DMD: variants seen among roughly 807,000 people sequenced by gnomAD.
The protein encoded by DMD is mutant dystrophin.
Under a neutral mutation model 330.1 loss-of-function variants are expected in DMD, and 63 were observed. The ratio of observed to expected loss-of-function variants is 0.19; its 90% CI spans 0.16 to 0.24. The LOEUF (loss-of-function observed/expected upper bound fraction) is 0.24. DMD is among the 10% of genes least tolerant of loss of function. DMD has a pLI of 1.00. For missense variants in DMD, 3,344 were observed against 2,684.1 expected (o/e 1.25, Z -5.43); for synonymous variants, 1,223 against 959.8 (o/e 1.27, Z -5.07).
intron 27 of DMD, among the ~76,000 whole-genome samples, chrX:32,447,921 A>G (rs1453022517): frequency 9.0e-6 from 1 of 111,487 alleles, no homozygotes; most frequent in African/African-American, 3.2e-5. Flanking sequence ...GATAATACAT[A>G]AATATAATGC....
chrX:32,137,291 C>T (rs146832033), intron 44 of DMD, among the ~76,000 whole-genome samples: 28 of 111,690 alleles, frequency 2.5e-4, no homozygotes, highest in African/African-American at 9.1e-4. Context: ...AGGAGACAAG[C>T]ATAAATTACA....
intron 50 of DMD, among the ~76,000 whole-genome samples, chrX:31,798,687 G>A (rs2091936513): frequency 9.0e-6 from 1 of 111,592 alleles, no homozygotes; most frequent in Non-Finnish European, 1.9e-5. Flanking sequence ...ATGTGGCACA[G>A]GCAATGGCCT....
intron 1 of DMD, among the ~76,000 whole-genome samples, chrX:33,124,819 G>T (rs1293137112): frequency 9.1e-6 from 1 of 109,616 alleles, no homozygotes; most frequent in Admixed American, 9.9e-5. Context: ...GAGGTCAGGA[G>T]TTCGAGACCA....
At chrX:31,646,251 T>TG (rs1188632221) in intron 54 of DMD, among the ~76,000 whole-genome samples, 3 of 92,003 alleles carry the variant, frequency 3.3e-5, no homozygotes, top group African/African-American at 1.4e-4. Flanking sequence ...GTGTGTTGTG[T>TG]GTTGTGTGTG....
intron 18 of DMD, among the ~76,000 whole-genome samples, chrX:32,507,569 T>C (rs778194359): frequency 1.8e-5 from 2 of 111,603 alleles, no homozygotes; most frequent in African/African-American, 3.2e-5. Flanking sequence ...GTTATTCTAA[T>C]ATAAATAGTC....
At chrX:31,257,700 T>C (rs1468668683) in intron 63 of DMD, among the ~76,000 whole-genome samples, 1 of 112,102 alleles carries the variant, frequency 8.9e-6, no homozygotes, top group Non-Finnish European at 1.9e-5. Context: ...ATCCTAACAA[T>C]TTGGGAGGCC....
chrX:32,799,774 G>T (rs957897380), intron 7 of DMD, among the ~76,000 whole-genome samples: 14 of 110,649 alleles, frequency 1.3e-4, no homozygotes, highest in Admixed American at 5.8e-4. Flanking sequence ...TATTATCTAT[G>T]AGCATAAACA....
intron 7 of DMD, among the ~76,000 whole-genome samples, chrX:32,732,205 T>A (rs764098485): frequency 4.6e-5 from 5 of 108,780 alleles, no homozygotes; most frequent in East Asian, 2.9e-4. Context: ...GAAGGGAAGT[T>A]TAGAGGAAAA....
At chrX:32,996,313 C>T (rs1402037384) in intron 2 of DMD, among the ~76,000 whole-genome samples, 1 of 110,889 alleles carries the variant, frequency 9.0e-6, no homozygotes, top group Non-Finnish European at 1.9e-5. Flanking sequence ...TAAATATTTA[C>T]AAATTTTAAA....
At chrX:32,891,464 T>C (rs1370419131) in intron 2 of DMD, among the ~76,000 whole-genome samples, 1 of 112,616 alleles carries the variant, frequency 8.9e-6, no homozygotes, top group Non-Finnish European at 1.9e-5. Context: ...TTAAATTTTC[T>C]AGTTTTCCTT....
intron 25 of DMD, among the ~76,000 whole-genome samples, chrX:32,455,868 C>A (rs1321256425): frequency 9.0e-6 from 1 of 111,158 alleles, no homozygotes; most frequent in African/African-American, 3.3e-5. Flanking sequence ...AAGCCTCACG[C>A]ATTTTTGAAA....
At chrX:32,628,129 C>G (rs7065754) in intron 11 of DMD, among the ~76,000 whole-genome samples, 30,649 of 107,833 alleles carry the variant, frequency 0.28, 6,377 homozygotes, top group African/African-American at 0.73. Context: ...TCAAATACTA[C>G]ATCACATTCA....
At chrX:33,114,782 T>C (rs774896035) in intron 1 of DMD, among the ~76,000 whole-genome samples, 22 of 112,315 alleles carry the variant, frequency 2.0e-4, no homozygotes, top group Non-Finnish European at 3.6e-4. Flanking sequence ...GCTTCATTAA[T>C]AGTGCCTGTG....
At chrX:31,353,153 A>C (rs999970342) in intron 60 of DMD, among the ~76,000 whole-genome samples, 1 of 110,819 alleles carries the variant, frequency 9.0e-6, no homozygotes, top group Non-Finnish European at 1.9e-5. Flanking sequence ...GGTAAGAAGT[A>C]GTGACAAGCT....
At chrX:32,181,873 T>G (rs1411190472) in intron 44 of DMD, among the ~76,000 whole-genome samples, 1 of 112,315 alleles carries the variant, frequency 8.9e-6, no homozygotes, top group Non-Finnish European at 1.9e-5. Context: ...TTGAAATACA[T>G]CCCACCTTTC....
At chrX:33,062,399 A>T (rs934789470) in intron 1 of DMD, among the ~76,000 whole-genome samples, 1 of 112,533 alleles carries the variant, frequency 8.9e-6, no homozygotes, top group African/African-American at 3.2e-5. Flanking sequence ...CATTATGCAT[A>T]ATTGCATAAC....
chrX:33,171,483 C>A (rs1272682147), intron 1 of DMD, among the ~76,000 whole-genome samples: 1 of 111,305 alleles, frequency 9.0e-6, no homozygotes, highest in Admixed American at 9.6e-5. Flanking sequence ...AAAGCTATTT[C>A]TTTTACAGTT....
intron 35 of DMD, 74 bp from the exon 36 acceptor site, chrX:32,364,784 A>G: frequency 9.1e-7 from 1 of 1,095,317 alleles, no homozygotes; most frequent in South Asian, 2.0e-5. Flanking sequence ...TATGTTCTAA[A>G]ATGTTTAAAA....
chrX:32,855,150 A>G (rs1353878962), intron 2 of DMD, among the ~76,000 whole-genome samples: 1 of 111,866 alleles, frequency 8.9e-6, no homozygotes, highest in Non-Finnish European at 1.9e-5. Flanking sequence ...AAACTCTCAA[A>G]ACTGGGTATA....
Sources: gnomAD v4.1 joint callset for allele counts (sites outside exome capture counted in the v4.1 genomes callset) on GRCh38, gnomAD v4.1.1 for gene constraint, MANE v1.5 for transcripts, NCBI Gene and HGNC (gene_info 2026-07-23, HGNC 2026-07-21) for gene names.